Variants in EYA2 observed in about 807,000 individuals in gnomAD.
EYA2 encodes protein phosphatase EYA2.
EYA2 carries 31 observed loss-of-function variants against 69.2 expected under a neutral mutation model. The observed-to-expected ratio is 0.45, with a 90% confidence interval of 0.34 to 0.60. The LOEUF (loss-of-function observed/expected upper bound fraction) is 0.60. Ranked by LOEUF, EYA2 falls within the 20% of genes least tolerant of loss-of-function variation. EYA2 has a pLI of 0.02. For synonymous variants in EYA2, 257 were observed against 279.4 expected (o/e 0.92, Z 0.80); for missense variants, 622 against 701.2 (o/e 0.89, Z 1.28).
In EYA2 at chr20:46,933,545, C is replaced by T. The variant is rs566927008; in HGVS notation, c.-11+38558C>T. 3.0e-3 allele frequency among the ~76,000 whole-genome samples: 451 copies of T among 152,316 alleles called. 1 individual carries two copies. Among genetic ancestry groups the T allele is most frequent in the African/African-American group, 0.011 (441 of 41,580 alleles). On this transcript the variant is annotated intron_variant, in intron 1 of 15. Transcript: ENST00000327619. ...ACTGGAAGGGCCAGACAACAGATGG[C>T]ATCAGTGGTGGGTCACTCTGTTATT...
chr20:47,144,095 C>G (rs1368648122), intron 10 of EYA2, among the ~76,000 whole-genome samples: 2 of 152,194 alleles, frequency 1.3e-5, no homozygotes, highest in Non-Finnish European at 1.5e-5. Context: ...CGGTGGCTCA[C>G]GCCTGTAATC....
intron 10 of EYA2, chr20:47,161,482 A>G: frequency 2.2e-6 from 1 of 452,350 alleles, no homozygotes; most frequent in Non-Finnish European, 4.3e-6. Flanking sequence ...AAGAAGAGAT[A>G]GATCTCCTCC....
At chr20:46,922,659 G>A (rs920464237) in intron 1 of EYA2, among the ~76,000 whole-genome samples, 16 of 152,158 alleles carry the variant, frequency 1.1e-4, no homozygotes, top group African/African-American at 3.6e-4. Context: ...AGAATTGTGG[G>A]GGAGAGCTGG....
rs951011750 is a variant in EYA2, at chr20:47,092,775, C to A, written c.804+3394C>A. 2.0e-5 allele frequency among the ~76,000 whole-genome samples: 3 copies of A among 152,170 alleles called. No homozygotes were observed. In the South Asian group the frequency reaches 6.2e-4, roughly 32 times the overall value. ...CATTGAAAAGGTGTGAGCTGTGTTTCACTTCTATGCTTAATGTCATCATAG... is the reference window on the plus strand; with the variant it reads ...CATTGAAAAGGTGTGAGCTGTGTTTAACTTCTATGCTTAATGTCATCATAG... On this transcript the variant is annotated intron_variant, in intron 8 of 15. Coordinates refer to ENST00000327619, the MANE Select transcript of EYA2 (RefSeq NM_005244.5).
rs145919453 is a variant in EYA2, at chr20:47,125,813, C to T, written c.889-17246C>T. On this transcript the variant is annotated intron_variant, in intron 9 of 15. Transcript: ENST00000327619. ...GTTCAACTTGTAAACAGCTCCTTGG[C>T]GGTGATTTTTTAAAGACCCAGTTGG... 4.5e-4 allele frequency among the ~76,000 whole-genome samples: 68 copies of T among 151,966 alleles called. 1 individual carries two copies. Among genetic ancestry groups the T allele is most frequent in the Non-Finnish European group, 3.2e-4 (22 of 68,000 alleles).
chr20:46,939,651 C>G lies in EYA2; in HGVS notation c.-11+44664C>G, dbSNP rs555494589. Among the ~76,000 whole-genome samples the G allele has an allele frequency of 1.8e-4, 27 of 152,246 alleles. No homozygotes were observed. In the South Asian group the frequency reaches 5.6e-3, roughly 32 times the overall value. On this transcript the variant is annotated intron_variant, in intron 1 of 15. Coordinates refer to ENST00000327619, the MANE Select transcript of EYA2 (RefSeq NM_005244.5). ...TTACTGTAAATCCTTAACACAGAAA[C>G]TAATTTGCAGTAGAAGTGTGCTATG... is the stretch of plus-strand genomic sequence containing the variant.
chr20:47,017,379 C>T (rs955542995), intron 5 of EYA2, among the ~76,000 whole-genome samples: 1 of 152,154 alleles, frequency 6.6e-6, no homozygotes, highest in African/African-American at 2.4e-5. Flanking sequence ...GATTCTGCCA[C>T]CTCAGCCTCC....
At chr20:47,038,867 C>G (rs5023497) in intron 5 of EYA2, among the ~76,000 whole-genome samples, 27,236 of 152,028 alleles carry the variant, frequency 0.18, 2,570 homozygotes, top group Non-Finnish European at 0.2. Flanking sequence ...TATTTGTCTC[C>G]TGAGGGGCTT....
At chr20:46,905,414 A>G (rs6124885) in intron 1 of EYA2, among the ~76,000 whole-genome samples, 12,217 of 152,258 alleles carry the variant, frequency 0.08, 832 homozygotes, top group East Asian at 0.4. Flanking sequence ...TTTATGATCT[A>G]TTCTTACATT....
At chr20:47,002,255 A>G (rs757133068) in intron 3 of EYA2, among the ~76,000 whole-genome samples, 20 of 151,770 alleles carry the variant, frequency 1.3e-4, no homozygotes, top group South Asian at 1.0e-3. Flanking sequence ...GGTTTGTTAC[A>G]TAGGTAAACA....
chr20:47,122,289 G>GTTTT lies in EYA2; in HGVS notation c.889-20751_889-20748dup, dbSNP rs1180670988. Among the ~76,000 whole-genome samples, 79 of 110,838 alleles carry GTTTT rather than the reference G, an allele frequency of 7.1e-4. 2 individuals carry two copies. Among genetic ancestry groups the GTTTT allele is most frequent in the African/African-American group, 2.8e-3 (70 of 25,162 alleles). 72.7% of individuals were successfully genotyped at this position (110,838 alleles called of 152,430 possible). A position where few individuals can be genotyped will look rare whatever the true frequency, so the allele number is the denominator to read the frequency against. ...GAAATGTTTCTTAGTTATTTTCTTG[G>GTTTT]TTTTTTTTTTTTTTTTTTTTTTGAG... On this transcript the variant is annotated intron_variant, in intron 9 of 15. Transcript: ENST00000327619.
chr20:47,010,361 G>A lies in EYA2; in HGVS notation c.298+5277G>A, dbSNP rs901260964. The stretch of plus-strand genomic sequence containing the variant: ...GCAGGTGGGCTGGGGCTGCCTAGAT[G>A]GCACCAGTGGGGCCTCTCTCTCATG... On this transcript the variant is annotated intron_variant, in intron 4 of 15. Transcript: ENST00000327619. Among the ~76,000 whole-genome samples, 6 of 6,624 alleles carry A rather than the reference G, an allele frequency of 9.1e-4. No homozygotes were observed. The African/African-American group carries it at 0.013, about 14-fold the overall frequency. The allele number at this position is 6,624 out of a possible 152,430, so 4.3% of individuals were successfully genotyped here.
intron 9 of EYA2, among the ~76,000 whole-genome samples, chr20:47,135,146 A>AAG (rs2033432316): frequency 6.6e-6 from 1 of 150,916 alleles, no homozygotes; most frequent in Non-Finnish European, 1.5e-5. Flanking sequence ...AAAAAAAAAA[A>AAG]AAACAGACAA....
At chr20:47,024,613 G>A (rs1983972636) in intron 5 of EYA2, among the ~76,000 whole-genome samples, 1 of 152,178 alleles carries the variant, frequency 6.6e-6, no homozygotes, top group South Asian at 2.1e-4. Flanking sequence ...GCCAATTCCA[G>A]CCACATTAGC....
chr20:47,181,237 C>G (rs2034531947), intron 14 of EYA2, among the ~76,000 whole-genome samples: 1 of 152,192 alleles, frequency 6.6e-6, no homozygotes, highest in African/African-American at 2.4e-5. Context: ...CTGATTTCTC[C>G]CTAGTAGAAC....
At chr20:46,918,066 A>G (rs1984996538) in intron 1 of EYA2, among the ~76,000 whole-genome samples, 1 of 152,100 alleles carries the variant, frequency 6.6e-6, no homozygotes. Flanking sequence ...CACGCCCACA[A>G]TCCCAGCACT....
chr20:47,092,701 C>A (rs1825475162), intron 8 of EYA2, among the ~76,000 whole-genome samples: 1 of 152,114 alleles, frequency 6.6e-6, no homozygotes, highest in Non-Finnish European at 1.5e-5. Context: ...TGATATTATT[C>A]TGGAAACATC....
At chr20:46,989,485 T>A (rs1182700716) in intron 1 of EYA2, among the ~76,000 whole-genome samples, 1 of 152,198 alleles carries the variant, frequency 6.6e-6, no homozygotes. Context: ...GCCAGGATGG[T>A]CTCGATCTCT....
At chr20:47,023,632 G>GTTTTTTTTTTTT (rs60939329) in intron 5 of EYA2, among the ~76,000 whole-genome samples, 3 of 90,116 alleles carry the variant, frequency 3.3e-5, no homozygotes, top group African/African-American at 8.6e-5. Context: ...GATTTTGGGT[G>GTTTTTTTTTTTT]TTTTTTTTTT....
Sources: gnomAD v4.1 joint callset for allele counts (sites outside exome capture counted in the v4.1 genomes callset) on GRCh38, gnomAD v4.1.1 for gene constraint, MANE v1.5 for transcripts, NCBI Gene and HGNC (gene_info 2026-07-23, HGNC 2026-07-21) for gene names.